PABPC4L: variants seen among roughly 807,000 people sequenced by gnomAD.
PABPC4L encodes poly(A) binding protein cytoplasmic 4 like.
For missense variants in PABPC4L, 452 were observed against 451.4 expected, an observed-to-expected ratio of 1.00 and a Z score of -0.01; for synonymous variants, 169 against 164.1, an observed-to-expected ratio of 1.03 and a Z score of -0.23.
chr4:134,051,014 T>C, the PABPC4L span, among the ~76,000 whole-genome samples: 1 of 152,100 alleles, frequency 6.6e-6, no homozygotes, highest in Non-Finnish European at 1.5e-5. Flanking sequence ...TATTGCATAT[T>C]TAAATCCATT....
chr4:134,014,602 TCTGA>T, the PABPC4L span, among the ~76,000 whole-genome samples: 3 of 152,014 alleles, frequency 2.0e-5, no homozygotes, highest in Non-Finnish European at 4.4e-5. Context: ...CCCAAGGCTC[TCTGA>T]CTGACTCCTT....
At chr4:134,176,730 A>G in the PABPC4L span, among the ~76,000 whole-genome samples, 1 of 152,116 alleles carries the variant, frequency 6.6e-6, no homozygotes, top group South Asian at 2.1e-4. Context: ...TTTGGGCTCA[A>G]CACGAAGCCA....
chr4:134,177,585 A>G, the PABPC4L span, among the ~76,000 whole-genome samples: 1 of 152,146 alleles, frequency 6.6e-6, no homozygotes, highest in Non-Finnish European at 1.5e-5. Flanking sequence ...ACTGGTAACC[A>G]GGCAGGCAAT....
the PABPC4L span, among the ~76,000 whole-genome samples, chr4:134,134,365 C>T: frequency 1.3e-5 from 2 of 151,928 alleles, no homozygotes; most frequent in East Asian, 3.9e-4. Flanking sequence ...TATGTAAGAA[C>T]TTAGATTAAA....
the PABPC4L span, among the ~76,000 whole-genome samples, chr4:134,100,426 C>A: frequency 1.4e-4 from 21 of 151,542 alleles, no homozygotes; most frequent in African/African-American, 4.8e-4. Context: ...AAAACCCTTG[C>A]ATTTTCCTTG....
At chr4:134,096,014 C>G in the PABPC4L span, among the ~76,000 whole-genome samples, 1 of 151,848 alleles carries the variant, frequency 6.6e-6, no homozygotes, top group Non-Finnish European at 1.5e-5. Context: ...TATTATTAAC[C>G]CCATGAGAAT....
the PABPC4L span, among the ~76,000 whole-genome samples, chr4:134,189,277 G>A: frequency 6.6e-6 from 1 of 151,646 alleles, no homozygotes; most frequent in African/African-American, 2.4e-5. Context: ...CAACATTGTT[G>A]TCATAGTTGA....
chr4:134,154,359 G>C, the PABPC4L span, among the ~76,000 whole-genome samples: 6 of 151,960 alleles, frequency 3.9e-5, no homozygotes, highest in Admixed American at 1.3e-4. Context: ...GGGAGGCTGA[G>C]GCACGAGAAT....
chr4:134,064,386 T>C, the PABPC4L span, among the ~76,000 whole-genome samples: 1 of 152,048 alleles, frequency 6.6e-6, no homozygotes, highest in Non-Finnish European at 1.5e-5. Flanking sequence ...CATATTATAA[T>C]AAAGAGGCAA....
At chr4:134,108,395 C>G in the PABPC4L span, among the ~76,000 whole-genome samples, 1 of 151,790 alleles carries the variant, frequency 6.6e-6, no homozygotes, top group East Asian at 1.9e-4. Flanking sequence ...AGCCTCTTCT[C>G]AAATGTAATG....
the PABPC4L span, among the ~76,000 whole-genome samples, chr4:134,089,322 G>T: frequency 1.3e-5 from 2 of 151,768 alleles, no homozygotes; most frequent in Non-Finnish European, 2.9e-5. Context: ...CTACGCTCAC[G>T]CACCCAGCTC....
chr4:134,182,093 T>TA, the PABPC4L span, among the ~76,000 whole-genome samples: 9 of 150,854 alleles, frequency 6.0e-5, no homozygotes, highest in Non-Finnish European at 1.0e-4. Context: ...TTCATAGAAC[T>TA]AAAAAAACAA....
At chr4:134,015,952 C>A in the PABPC4L span, among the ~76,000 whole-genome samples, 1 of 152,128 alleles carries the variant, frequency 6.6e-6, no homozygotes, top group South Asian at 2.1e-4. Context: ...TTCCTGGCTC[C>A]TTCAGCTGTA....
At chr4:134,089,255 A>G in the PABPC4L span, among the ~76,000 whole-genome samples, 1 of 151,758 alleles carries the variant, frequency 6.6e-6, no homozygotes, top group Non-Finnish European at 1.5e-5. Flanking sequence ...GTTCTTTTTT[A>G]ATAGTATTTA....
the PABPC4L span, among the ~76,000 whole-genome samples, chr4:134,002,963 T>G: frequency 7.2e-5 from 11 of 151,744 alleles, no homozygotes; most frequent in African/African-American, 2.7e-4. Context: ...ACTGCAAAAC[T>G]AGGAAAAAAG....
the PABPC4L span, among the ~76,000 whole-genome samples, chr4:133,996,244 C>G: frequency 6.6e-6 from 1 of 152,114 alleles, no homozygotes; most frequent in South Asian, 2.1e-4. Context: ...GGGACCAAAG[C>G]AGCCCTAACT....
the PABPC4L span, among the ~76,000 whole-genome samples, chr4:134,135,677 C>A: frequency 1.3e-5 from 2 of 151,722 alleles, no homozygotes; most frequent in East Asian, 3.9e-4. Context: ...ACTGAAAATA[C>A]AAAAAATTAG....
chr4:133,963,010 T>C, the PABPC4L span, among the ~76,000 whole-genome samples: 1,494 of 152,284 alleles, frequency 9.8e-3, 20 homozygotes, highest in African/African-American at 0.034. Context: ...ACATTAAATG[T>C]AAATGGCCTA....
chr4:134,015,868 C>A, the PABPC4L span, among the ~76,000 whole-genome samples: 5 of 152,068 alleles, frequency 3.3e-5, no homozygotes, highest in African/African-American at 1.2e-4. Context: ...AAACTATGCT[C>A]AACTCACTCT....
Sources: gnomAD v4.1 joint callset for allele counts (sites outside exome capture counted in the v4.1 genomes callset) on GRCh38, gnomAD v4.1.1 for gene constraint, MANE v1.5 for transcripts, NCBI Gene and HGNC (gene_info 2026-07-23, HGNC 2026-07-21) for gene names.